The following PLEKHA7 variants were observed in gnomAD, a reference collection of about 807,000 sequenced individuals.
PLEKHA7 encodes the protein pleckstrin homology domain containing A7.
A neutral mutation model predicts 170.0 loss-of-function variants in PLEKHA7; 104 were observed. The ratio of observed to expected loss-of-function variants is 0.61; its 90% confidence interval spans 0.52 to 0.72. The LOEUF is 0.72. Among genes scored for constraint, PLEKHA7 ranks in the 30% least tolerant of loss-of-function variants. The probability of loss-of-function intolerance (pLI) is 0.00; values close to 1 mark genes in which losing one functional copy is unlikely to be tolerated. For missense variants in PLEKHA7, 1,615 were observed against 1,671.7 expected (o/e 0.97, Z 0.59); for synonymous variants, 648 against 660.8 (o/e 0.98, Z 0.30).
intron 10 of PLEKHA7, among the ~76,000 whole-genome samples, chr11:16,822,449 G>A (rs996268293): frequency 6.7e-6 from 1 of 149,772 alleles, no homozygotes; most frequent in South Asian, 2.1e-4. Flanking sequence ...TCCTTCAGGG[G>A]TGCCCAGCCT....
At chr11:16,981,233 A>G (rs1365058494) in intron 3 of PLEKHA7, among the ~76,000 whole-genome samples, 1 of 152,238 alleles carries the variant, frequency 6.6e-6, no homozygotes, top group Admixed American at 6.5e-5. Flanking sequence ...TCAGGTGTTT[A>G]CTACATGCAG....
At chr11:16,878,184 G>A (rs573010675) in intron 3 of PLEKHA7, among the ~76,000 whole-genome samples, 1 of 152,042 alleles carries the variant, frequency 6.6e-6, no homozygotes, top group South Asian at 2.1e-4. Flanking sequence ...CGAAATATAC[G>A]TTGAATTCAT....
intron 3 of PLEKHA7, among the ~76,000 whole-genome samples, chr11:16,992,280 G>C (rs1864091555): frequency 6.6e-6 from 1 of 152,214 alleles, no homozygotes; most frequent in Non-Finnish European, 1.5e-5. Context: ...ATTGCTCCCG[G>C]CTTTCAAGGG....
chr11:16,926,773 C>T (rs1480942703), intron 3 of PLEKHA7, among the ~76,000 whole-genome samples: 1 of 152,186 alleles, frequency 6.6e-6, no homozygotes, highest in Admixed American at 6.5e-5. Context: ...CACATCTGGG[C>T]TTTTATCCAG....
At chr11:16,999,248 C>G (rs906551000) in intron 3 of PLEKHA7, among the ~76,000 whole-genome samples, 1 of 151,952 alleles carries the variant, frequency 6.6e-6, no homozygotes. Context: ...ACAGAGGAAG[C>G]CTTCCCACTT....
At chr11:16,907,290 C>A in intron 3 of PLEKHA7, among the ~76,000 whole-genome samples, 1 of 144,140 alleles carries the variant, frequency 6.9e-6, no homozygotes, top group Non-Finnish European at 1.5e-5. Flanking sequence ...GGCCAGCCGC[C>A]CCATCCGGGA....
intron 3 of PLEKHA7, among the ~76,000 whole-genome samples, chr11:16,907,280 G>A (rs12287673): frequency 1.4e-3 from 202 of 139,848 alleles, no homozygotes; most frequent in African/African-American, 5.2e-3. Context: ...CCCCCCGCCC[G>A]GCCAGCCGCC....
At chr11:16,987,367 A>G (rs1029997471) in intron 3 of PLEKHA7, among the ~76,000 whole-genome samples, 1 of 151,966 alleles carries the variant, frequency 6.6e-6, no homozygotes, top group African/African-American at 2.4e-5. Flanking sequence ...GACCTGCCCA[A>G]CCAGCTCCTT....
intron 3 of PLEKHA7, among the ~76,000 whole-genome samples, chr11:16,974,337 T>C (rs1344886902): frequency 6.6e-6 from 1 of 151,758 alleles, no homozygotes; most frequent in Non-Finnish European, 1.5e-5. Flanking sequence ...AATTTCGTCA[T>C]TGGGTGCCAC....
At chr11:16,805,423 T>C (rs1848891741) in intron 13 of PLEKHA7, among the ~76,000 whole-genome samples, 1 of 151,990 alleles carries the variant, frequency 6.6e-6, no homozygotes, top group Non-Finnish European at 1.5e-5. Flanking sequence ...ACATTCAACC[T>C]TTTTTTTCTC....
At chr11:17,005,361 G>A (rs770454621) in intron 3 of PLEKHA7, among the ~76,000 whole-genome samples, 1 of 152,112 alleles carries the variant, frequency 6.6e-6, no homozygotes, top group Non-Finnish European at 1.5e-5. Context: ...GTGAAACCCC[G>A]TCTCTACTAA....
chr11:16,961,357 C>T (rs1385152589), intron 3 of PLEKHA7, among the ~76,000 whole-genome samples: 2 of 152,360 alleles, frequency 1.3e-5, no homozygotes, highest in East Asian at 1.9e-4. Context: ...ATGCTCAGCT[C>T]ATCGGAGAGT....
chr11:16,890,302 T>C (rs1033961913), intron 3 of PLEKHA7, among the ~76,000 whole-genome samples: 1 of 152,080 alleles, frequency 6.6e-6, no homozygotes, highest in African/African-American at 2.4e-5. Context: ...CACATAGCAA[T>C]ACTAACCTTA....
chr11:16,922,469 A>C (rs1365006685), intron 3 of PLEKHA7, among the ~76,000 whole-genome samples: 1 of 152,190 alleles, frequency 6.6e-6, no homozygotes, highest in East Asian at 1.9e-4. Context: ...AAATTGCCAC[A>C]CTGCTTCAAT....
At chr11:17,003,537 T>C (rs1864805203) in intron 3 of PLEKHA7, among the ~76,000 whole-genome samples, 1 of 152,212 alleles carries the variant, frequency 6.6e-6, no homozygotes, top group African/African-American at 2.4e-5. Context: ...CTAAACCCTT[T>C]CCATCCATCA....
At chr11:16,897,191 A>G (rs1373886033) in intron 3 of PLEKHA7, among the ~76,000 whole-genome samples, 1 of 152,200 alleles carries the variant, frequency 6.6e-6, no homozygotes, top group East Asian at 1.9e-4. Context: ...ATAGTTAGCT[A>G]AGGGTAGAGC....
chr11:16,795,001 C>G lies in PLEKHA7; in HGVS notation c.2427G>C (p.Gln809His). 6.2e-7 allele frequency: 1 copy of G among 1,613,638 alleles called. No homozygotes were observed. The highest frequency in any genetic ancestry group is 1.1e-5 in the South Asian group (1 of 91,076). Residue 809 changes from glutamine (Q) to histidine (H), a missense_variant, in exon 18 of 27, where the codon CAG (glutamine) becomes CAC (histidine). Transcript: ENST00000531066. Reference sequence around the variant, plus strand: ...CATCTTCAATTCTCCATAGATCTTTCTGTATCTGCGATTTCTCCTGAGGAA... The same window carrying G: ...CATCTTCAATTCTCCATAGATCTTTGTGTATCTGCGATTTCTCCTGAGGAA... Reference protein sequence around the residue: ...AFFFQEKSQIQKDLWRIEDVT... With the variant: ...AFFFQEKSQIHKDLWRIEDVT...
chr11:16,798,489 G>A (rs1848386778), intron 17 of PLEKHA7, among the ~76,000 whole-genome samples: 1 of 152,096 alleles, frequency 6.6e-6, no homozygotes, highest in Non-Finnish European at 1.5e-5. Context: ...AAGGATTCTA[G>A]GCCTGCTATA....
chr11:16,936,428 C>T (rs183367551), intron 3 of PLEKHA7, among the ~76,000 whole-genome samples: 1 of 66,638 alleles, frequency 1.5e-5, no homozygotes, highest in Non-Finnish European at 3.5e-5. Context: ...AAAAAAAAAT[C>T]AGGTCTCTAT....
Sources: gnomAD v4.1 joint callset for allele counts (sites outside exome capture counted in the v4.1 genomes callset) on GRCh38, gnomAD v4.1.1 for gene constraint, MANE v1.5 for transcripts, NCBI Gene and HGNC (gene_info 2026-07-23, HGNC 2026-07-21) for gene names.